Variants in PCDHA2 observed in about 807,000 individuals in gnomAD.
The protein encoded by PCDHA2 is protocadherin alpha-2.
In PCDHA2, 58 loss-of-function variants were observed where a neutral mutation model predicts 66.0. The ratio of observed to expected loss-of-function variants is 0.88; its 90% CI spans 0.71 to 1.09. The LOEUF (loss-of-function observed/expected upper bound fraction) is 1.09. Among genes scored for constraint, PCDHA2 ranks in the 50% least tolerant of loss-of-function variants. The pLI is 0.00. For synonymous variants in PCDHA2, 634 were observed against 554.0 expected (o/e 1.14, Z -2.03); for missense variants, 1,267 against 1,242.3 (o/e 1.02, Z -0.30).
intron 1 of PCDHA2, among the ~76,000 whole-genome samples, chr5:140,900,374 T>TCAAGAA (rs1554189115): frequency 1.3e-5 from 2 of 151,622 alleles, no homozygotes; most frequent in Non-Finnish European, 2.9e-5. Flanking sequence ...GCCTCCTGGG[T>TCAAGAA]TCAAGCGATT....
chr5:140,903,279 A>C (rs940299316), intron 1 of PCDHA2, among the ~76,000 whole-genome samples: 1 of 152,170 alleles, frequency 6.6e-6, no homozygotes, highest in East Asian at 1.9e-4. Flanking sequence ...GTAGTGTCTC[A>C]TTGTGCATTA....
At chr5:140,949,691 T>C (rs2094413493) in intron 1 of PCDHA2, among the ~76,000 whole-genome samples, 1 of 151,872 alleles carries the variant, frequency 6.6e-6, no homozygotes, top group Non-Finnish European at 1.5e-5. Context: ...AAGCGTATTG[T>C]TGGATCTTGC....
intron 1 of PCDHA2, among the ~76,000 whole-genome samples, chr5:140,889,326 G>A (rs2062188363): frequency 6.6e-6 from 1 of 151,922 alleles, no homozygotes; most frequent in African/African-American, 2.4e-5. Flanking sequence ...TCTGTATCAG[G>A]ATTTTGATTG....
intron 1 of PCDHA2, among the ~76,000 whole-genome samples, chr5:140,945,480 C>A (rs2093795468): frequency 6.6e-6 from 1 of 151,728 alleles, no homozygotes; most frequent in South Asian, 2.1e-4. Context: ...CACAAAACAC[C>A]CCAAATACCC....
In PCDHA2 at chr5:140,809,371, C is replaced by A. The variant is rs781936039; in HGVS notation, c.2388+12019C>A. On this transcript the variant is annotated intron_variant, in intron 1 of 3. Transcript: ENST00000526136. ...CGCTGCGGTGCTCTGCGCTGCCCACCGAGGGCGCGTGCGCTCCGGGCAAGC... is the reference window on the plus strand; with the variant it reads ...CGCTGCGGTGCTCTGCGCTGCCCACAGAGGGCGCGTGCGCTCCGGGCAAGC... The A allele has an allele frequency of 4.3e-6, 7 of 1,613,986 alleles. No individual in the cohort carries two copies. In the South Asian group the frequency reaches 5.5e-5, roughly 13 times the overall value.
intron 1 of PCDHA2, among the ~76,000 whole-genome samples, chr5:140,839,342 G>T (rs1463316254): frequency 6.6e-6 from 1 of 150,532 alleles, no homozygotes; most frequent in East Asian, 2.0e-4. Context: ...GTTGATAGGG[G>T]ATCCTCCTTA....
Position 140,834,957 on chromosome 5 carries a change from C to G in PCDHA2, c.2388+37605C>G, listed in dbSNP as rs1222102897. 5.9e-6 allele frequency: 9 copies of G among 1,532,830 alleles called. No homozygotes were observed. In the African/African-American group the frequency reaches 1.2e-4, roughly 20 times the overall value. The allele number at this position is 1,532,830 out of a possible 1,614,324, so 95.0% of individuals were successfully genotyped here. On this transcript the variant is annotated intron_variant, in intron 1 of 3. Coordinates refer to ENST00000526136, the MANE Select transcript of PCDHA2 (RefSeq NM_018905.3). ...AACCAGCAACCAGCAGGTAAAACCT[C>G]TTGGACTTGTATTACGGAAACTTTT...
At chr5:140,924,894 CAAAAA>C (rs782133089) in intron 1 of PCDHA2, among the ~76,000 whole-genome samples, 149 of 71,508 alleles carry the variant, frequency 2.1e-3, no homozygotes, top group African/African-American at 5.7e-3. Context: ...GAACCTGTCT[CAAAAA>C]AAAAAATAAA....
chr5:140,967,762 G>A, intron 1 of PCDHA2: 1 of 1,614,216 alleles, frequency 6.2e-7, no homozygotes, highest in Non-Finnish European at 8.5e-7. Flanking sequence ...CCTCCTACCA[G>A]ATCTATGTGC....
rs140322145 is a variant in PCDHA2, at chr5:140,968,725, T to C, written c.2389-10224T>C. ...CCAGGAAGATGGGAGATGAGAGTGG[T>C]AGCACTTTCAACCTGACCGTGGTGG... On this transcript the variant is annotated intron_variant, in intron 1 of 3. Coordinates refer to ENST00000526136, the MANE Select transcript of PCDHA2 (RefSeq NM_018905.3). 3.1e-6 allele frequency: 5 copies of C among 1,613,932 alleles called. No individual in the cohort carries two copies. In the African/African-American group the frequency reaches 6.7e-5, roughly 22 times the overall value.
At chr5:140,830,159 G>A (rs2150182204) in intron 1 of PCDHA2, 33 of 1,613,266 alleles carry the variant, frequency 2.0e-5, no homozygotes, top group Non-Finnish European at 2.7e-5. Flanking sequence ...CGCGGGCCCA[G>A]AGGCGGCGCT....
intron 1 of PCDHA2, among the ~76,000 whole-genome samples, chr5:140,976,475 C>T (rs1160749030): frequency 1.3e-5 from 2 of 151,996 alleles, no homozygotes; most frequent in Non-Finnish European, 1.5e-5. Flanking sequence ...TGCTTGAATC[C>T]GGGAGGCAGA....
At chr5:140,882,566 G>C in intron 1 of PCDHA2, 2 of 1,614,252 alleles carry the variant, frequency 1.2e-6, no homozygotes, top group Non-Finnish European at 8.5e-7. Flanking sequence ...TGGGCGGAGC[G>C]CGGAGTGCAG....
chr5:140,849,121 A>G (rs2150430770), intron 1 of PCDHA2: 7 of 1,407,396 alleles, frequency 5.0e-6, no homozygotes, highest in Non-Finnish European at 1.9e-6. Context: ...CCGGAGCTTC[A>G]TTTATTGCTC....
chr5:140,899,384 A>G (rs2067296665), intron 1 of PCDHA2, among the ~76,000 whole-genome samples: 2 of 152,124 alleles, frequency 1.3e-5, no homozygotes, highest in Admixed American at 1.3e-4. Context: ...TAATTTATTG[A>G]GAGTTTTTAG....
At chr5:140,945,001 G>A (rs2093722890) in intron 1 of PCDHA2, among the ~76,000 whole-genome samples, 1 of 151,990 alleles carries the variant, frequency 6.6e-6, no homozygotes, top group African/African-American at 2.4e-5. Context: ...ACGGTTGTGG[G>A]TCATGAATTA....
intron 1 of PCDHA2, among the ~76,000 whole-genome samples, chr5:140,930,847 A>G (rs1411771257): frequency 6.6e-6 from 1 of 152,224 alleles, no homozygotes; most frequent in Non-Finnish European, 1.5e-5. Context: ...AAATATGTGC[A>G]TATATGAATT....
chr5:140,810,999 T>C (rs1198881016), intron 1 of PCDHA2: 1 of 152,200 alleles, frequency 6.6e-6, no homozygotes, highest in African/African-American at 2.4e-5. Flanking sequence ...AGATTTATTT[T>C]TATTTCTTCT....
intron 1 of PCDHA2, chr5:140,927,771 G>C: frequency 6.2e-7 from 1 of 1,614,210 alleles, no homozygotes; most frequent in Non-Finnish European, 8.5e-7. Flanking sequence ...GTGGGGAGGT[G>C]CAAGTAGCTG....
Sources: allele counts gnomAD v4.1 joint callset (sites outside exome capture counted in the v4.1 genomes callset), GRCh38; gene constraint gnomAD v4.1.1; transcripts MANE v1.5; gene names NCBI Gene and HGNC (gene_info 2026-07-23, HGNC 2026-07-21).